FTCDNL1: variants seen among roughly 807,000 people sequenced by gnomAD.
The protein encoded by FTCDNL1 is formiminotransferase cyclodeaminase N-terminal like, also known as formiminotransferase N-terminal subdomain-containing protein.
In FTCDNL1, 11 loss-of-function variants were observed where a neutral mutation model predicts 5.9. That is an observed-to-expected ratio of 1.87 (90% CI 1.18 to 3.10). FTCDNL1 has a LOEUF of 3.10. Ranked by LOEUF, FTCDNL1 falls within the 30% of genes most tolerant of loss-of-function variation. FTCDNL1 has a pLI of 0.00. For missense variants in FTCDNL1, 115 were observed against 65.5 expected (o/e 1.76, Z -2.61); for synonymous variants, 58 against 24.8 (o/e 2.34, Z -3.99).
intron 4 of FTCDNL1, among the ~76,000 whole-genome samples, chr2:199,816,807 A>C (rs1038775732): frequency 2.0e-5 from 3 of 152,146 alleles, no homozygotes; most frequent in Admixed American, 6.5e-5. Flanking sequence ...TGTCCTGTTC[A>C]ATATTTATTT....
chr2:199,830,814 T>C (rs2106573289), intron 3 of FTCDNL1, among the ~76,000 whole-genome samples: 1 of 152,280 alleles, frequency 6.6e-6, no homozygotes, highest in East Asian at 1.9e-4. Context: ...GAGAAGCACA[T>C]TAAACATGCT....
intron 3 of FTCDNL1, among the ~76,000 whole-genome samples, chr2:199,779,460 C>A (rs1217856494): frequency 1.3e-5 from 2 of 152,170 alleles, no homozygotes; most frequent in African/African-American, 4.8e-5. Context: ...AAATGGAAGA[C>A]TGAAAATAGG....
At chr2:199,822,374 A>T (rs1352558448) in intron 3 of FTCDNL1, among the ~76,000 whole-genome samples, 3 of 152,224 alleles carry the variant, frequency 2.0e-5, no homozygotes, top group Non-Finnish European at 2.9e-5. Context: ...ACTGTACTCC[A>T]GCCTTGGTGA....
At chr2:199,808,924 TC>T (rs1343838080), downstream of FTCDNL1, among the ~76,000 whole-genome samples, 7 of 152,274 alleles carry the variant, frequency 4.6e-5, no homozygotes, top group Admixed American at 4.6e-4. Flanking sequence ...TGTCTGCTGT[TC>T]CTTCTATCGG....
At chr2:199,776,594 G>T (rs774699317) in intron 3 of FTCDNL1, among the ~76,000 whole-genome samples, 1 of 152,116 alleles carries the variant, frequency 6.6e-6, no homozygotes, top group Non-Finnish European at 1.5e-5. Flanking sequence ...TACCAAAACT[G>T]CACACAACCC....
the FTCDNL1 span, among the ~76,000 whole-genome samples, chr2:199,728,484 G>A: frequency 2.6e-5 from 4 of 152,028 alleles, no homozygotes; most frequent in Admixed American, 1.3e-4. Flanking sequence ...TCCTGACCTC[G>A]TGATCCGCCC....
chr2:199,788,865 A>T (rs1268318978), intron 3 of FTCDNL1, among the ~76,000 whole-genome samples: 1 of 151,964 alleles, frequency 6.6e-6, no homozygotes, highest in Non-Finnish European at 1.5e-5. Flanking sequence ...CAGACAGAGA[A>T]GAGATTAAAA....
chr2:199,734,353 A>G, the FTCDNL1 span, among the ~76,000 whole-genome samples: 1 of 152,350 alleles, frequency 6.6e-6, no homozygotes, highest in East Asian at 1.9e-4. Flanking sequence ...TAGACAGAGA[A>G]GAAAAGCTTC....
downstream of FTCDNL1, among the ~76,000 whole-genome samples, chr2:199,758,357 A>G (rs759685397): frequency 7.9e-5 from 12 of 152,118 alleles, no homozygotes; most frequent in Non-Finnish European, 1.5e-4. Context: ...ATGGATATGC[A>G]ATTCATAGAA....
intron 3 of FTCDNL1, among the ~76,000 whole-genome samples, chr2:199,769,330 G>A (rs1698690466): frequency 6.6e-6 from 1 of 152,134 alleles, no homozygotes; most frequent in Non-Finnish European, 1.5e-5. Context: ...AATCACGGAG[G>A]CAGTTTCCCC....
chr2:199,668,495 T>A, the FTCDNL1 span, among the ~76,000 whole-genome samples: 1,338 of 150,238 alleles, frequency 8.9e-3, 13 homozygotes, highest in Non-Finnish European at 0.013. Flanking sequence ...GACCTTCAGA[T>A]GAGCAGGTCT....
At chr2:199,667,708 G>C in the FTCDNL1 span, among the ~76,000 whole-genome samples, 2 of 152,092 alleles carry the variant, frequency 1.3e-5, no homozygotes, top group Non-Finnish European at 2.9e-5. Flanking sequence ...TCAGATGTGG[G>C]TTCTTCCACT....
chr2:199,842,046 G>T (rs1199077386), intron 3 of FTCDNL1, among the ~76,000 whole-genome samples: 1 of 151,878 alleles, frequency 6.6e-6, no homozygotes, highest in Non-Finnish European at 1.5e-5. Flanking sequence ...ATTGCTTGAG[G>T]TCAGGAGTTC....
intron 3 of FTCDNL1, among the ~76,000 whole-genome samples, chr2:199,824,665 G>A (rs1411264564): frequency 6.6e-6 from 1 of 152,108 alleles, no homozygotes; most frequent in Non-Finnish European, 1.5e-5. Flanking sequence ...TTATTAATTG[G>A]CCTAATTTCA....
chr2:199,803,915 T>C (rs1012959550), intron 3 of FTCDNL1, among the ~76,000 whole-genome samples: 2 of 152,214 alleles, frequency 1.3e-5, no homozygotes, highest in African/African-American at 4.8e-5. Flanking sequence ...GTGAAAATCA[T>C]GTAATAACTA....
downstream of FTCDNL1, among the ~76,000 whole-genome samples, chr2:199,757,460 C>T (rs755289211): frequency 1.7e-4 from 26 of 152,026 alleles, no homozygotes; most frequent in Non-Finnish European, 3.1e-4. Context: ...GCAAAGGATG[C>T]CAGAAAGTAC....
chr2:199,670,852 G>A, the FTCDNL1 span, among the ~76,000 whole-genome samples: 2 of 152,154 alleles, frequency 1.3e-5, no homozygotes, highest in East Asian at 1.9e-4. Flanking sequence ...GCCAGATACA[G>A]TACACAAGAG....
the FTCDNL1 span, among the ~76,000 whole-genome samples, chr2:199,715,635 A>G: frequency 3.9e-5 from 6 of 152,282 alleles, no homozygotes; most frequent in African/African-American, 1.4e-4. Context: ...AATACAGCAT[A>G]ACACACAATA....
chr2:199,729,024 A>T, the FTCDNL1 span, among the ~76,000 whole-genome samples: 8 of 152,236 alleles, frequency 5.3e-5, no homozygotes, highest in Admixed American at 1.3e-4. Context: ...GGTCGACTAT[A>T]CAATACTAAG....
Sources: gnomAD v4.1 joint callset for allele counts (sites outside exome capture counted in the v4.1 genomes callset) on GRCh38, gnomAD v4.1.1 for gene constraint, MANE v1.5 for transcripts, NCBI Gene and HGNC (gene_info 2026-07-23, HGNC 2026-07-21) for gene names.